NRK: variants seen among roughly 807,000 people sequenced by gnomAD.
NRK encodes the protein Nik related kinase.
Under a neutral mutation model 125.2 loss-of-function variants are expected in NRK, and 67 were observed. The observed-to-expected ratio is 0.54, with a 90% CI of 0.44 to 0.66. The LOEUF (loss-of-function observed/expected upper bound fraction) is 0.66. NRK is among the 30% of genes least tolerant of loss of function. The pLI, the probability that NRK is intolerant of heterozygous loss-of-function variation, is 0.00. For missense variants in NRK, 1,224 were observed against 1,192.9 expected, an observed-to-expected ratio of 1.03 and a Z score of -0.38; for synonymous variants, 458 against 429.0, an observed-to-expected ratio of 1.07 and a Z score of -0.84.
chrX:105,956,494 G>A lies in NRK; in HGVS notation c.*894G>A, dbSNP rs2147809081. ...TGGCCAACAGTGTGACTATCAGACA[G>A]CATCAAATATTTGCCCAATCCAAGA... is the stretch of plus-strand genomic sequence containing the variant. On this transcript the variant is annotated 3_prime_UTR_variant, in exon 29 of 29. Transcript: ENST00000243300. 8.9e-6 allele frequency: 1 copy of A among 111,883 alleles called. No homozygotes were observed. Among genetic ancestry groups the A allele is most frequent in the East Asian group, 2.8e-4 (1 of 3,553 alleles). The allele number at this position is 111,883 out of a possible 1,213,427, so 9.2% of individuals were successfully genotyped here. A position where few individuals can be genotyped will look rare whatever the true frequency, so the allele number is the denominator to read the frequency against.
At chrX:105,840,919 C>A (rs1381297768) in intron 2 of NRK, among the ~76,000 whole-genome samples, 1 of 109,684 alleles carries the variant, frequency 9.1e-6, no homozygotes, top group Non-Finnish European at 1.9e-5. Context: ...AGAGTAAATT[C>A]TGTTAAGGTG....
At chrX:105,881,686 A>G in intron 3 of NRK, 22 bp from the exon 4 acceptor site, 1 of 996,138 alleles carries the variant, frequency 1.0e-6, no homozygotes, top group Non-Finnish European at 1.4e-6. Context: ...TACATCTAAT[A>G]ACATTTTATT....
At position 105,948,839 on chromosome X, in the gene NRK, T is replaced by C. The variant is rs183903328; in HGVS notation, c.4354-736T>C. The C allele has an allele frequency of 6.6e-4, 259 of 391,144 alleles. 1 individual carries two copies. The highest frequency in any genetic ancestry group is 2.1e-4 in the Non-Finnish European group (48 of 229,789). 32.2% of individuals were successfully genotyped at this position (391,144 alleles called of 1,213,427 possible). On this transcript the variant is annotated intron_variant, in intron 26 of 28. Transcript: ENST00000243300. Reference sequence around the variant, plus strand: ...ATAGAGGAACACAATTTTTCATTTGTAGGGAAATACTGTTAATGTGACAAT... The same window carrying C: ...ATAGAGGAACACAATTTTTCATTTGCAGGGAAATACTGTTAATGTGACAAT...
At chrX:105,889,346 G>A (rs753435301) in intron 5 of NRK, among the ~76,000 whole-genome samples, 1,277 of 2,202 alleles carry the variant, frequency 0.58, 15 homozygotes, top group Middle Eastern at 1. Context: ...GCTTTGCAGC[G>A]TACAGCTCCC....
chrX:105,884,751 CT>C (rs761947398), intron 4 of NRK, among the ~76,000 whole-genome samples: 1 of 111,757 alleles, frequency 8.9e-6, no homozygotes, highest in African/African-American at 3.3e-5. Flanking sequence ...TTAAGGAAAT[CT>C]TTTTTTTCAC....
chrX:105,950,527 AGTGT>A (rs56383254), intron 27 of NRK, among the ~76,000 whole-genome samples: 25,718 of 77,577 alleles, frequency 0.33, 3,684 homozygotes, highest in Admixed American at 0.4. Context: ...AAAAGGCAGC[AGTGT>A]GTGTGTGTGT....
intron 19 of NRK, 98 bp downstream of exon 19, chrX:105,925,129 A>G (rs369048746): frequency 4.2e-5 from 26 of 626,409 alleles, no homozygotes; most frequent in East Asian, 4.0e-4. Context: ...ATAGATTTTC[A>G]TCATATACCC....
At chrX:105,849,336 A>G (rs1382218990) in intron 2 of NRK, among the ~76,000 whole-genome samples, 1 of 111,762 alleles carries the variant, frequency 8.9e-6, no homozygotes, top group Non-Finnish European at 1.9e-5. Context: ...CCCTCCCACA[A>G]CATATGAGAA....
intron 2 of NRK, among the ~76,000 whole-genome samples, chrX:105,854,566 T>C (rs1393869148): frequency 8.9e-6 from 1 of 111,950 alleles, no homozygotes; most frequent in African/African-American, 3.2e-5. Context: ...TAAGTTAGTA[T>C]ATTTCACCTA....
chrX:105,926,707 A>G (rs988364575), intron 19 of NRK, among the ~76,000 whole-genome samples: 1 of 111,064 alleles, frequency 9.0e-6, no homozygotes, highest in African/African-American at 3.3e-5. Flanking sequence ...AGTCTTTTGC[A>G]TATGGATATT....
chrX:105,881,031 A>G (rs1169012940), intron 3 of NRK, among the ~76,000 whole-genome samples: 1 of 111,820 alleles, frequency 8.9e-6, no homozygotes, highest in African/African-American at 3.2e-5. Flanking sequence ...TGAATTGCTG[A>G]AACTGTTTAA....
chrX:105,957,482 C>A lies in NRK; in HGVS notation c.*1882C>A, dbSNP rs1338332201. 9.0e-6 allele frequency: 1 copy of A among 111,371 alleles called. No individual in the cohort carries two copies. The highest frequency in any genetic ancestry group is 3.3e-5 in the African/African-American group (1 of 30,602). The allele number at this position is 111,371 out of a possible 1,213,427, so 9.2% of individuals were successfully genotyped here. On this transcript the variant is annotated 3_prime_UTR_variant, in exon 29 of 29. Transcript: ENST00000243300. Reference sequence around the variant, plus strand: ...CAAGTCTTTTAATAATTCATTTTTTCTTCATAATATTTACTCAAAGTTAAG... The same window carrying A: ...CAAGTCTTTTAATAATTCATTTTTTATTCATAATATTTACTCAAAGTTAAG...
chrX:105,847,141 TATACTC>T (rs1211997469), intron 2 of NRK, among the ~76,000 whole-genome samples: 1 of 111,783 alleles, frequency 8.9e-6, no homozygotes, highest in Non-Finnish European at 1.9e-5. Context: ...TTGTACATGA[TATACTC>T]AAATCAGTGA....
At position 105,923,418 on chromosome X, in the gene NRK, G is replaced by C. The variant is rs951696601; in HGVS notation, c.2911G>C (p.Asp971His). 17 of 1,139,079 alleles carry C rather than the reference G, an allele frequency of 1.5e-5. No homozygotes were observed. The highest frequency in any genetic ancestry group is 9.1e-5 in the African/African-American group (5 of 55,001). 93.9% of individuals were successfully genotyped at this position (1,139,079 alleles called of 1,213,427 possible). A position where few individuals can be genotyped will look rare whatever the true frequency, so the allele number is the denominator to read the frequency against. ...QANDVCKDHDDDNNKFVDDVN... is the reference protein window; with the variant it reads ...QANDVCKDHDHDNNKFVDDVN... ...TAATGATGTTTGTAAAGACCATGAT[G>C]ATGACAACAATAAGTTTGTTGATGA... The change falls in exon 18 of 29, where the codon GAT becomes CAT. Residue 971 changes from aspartate (D) to histidine (H), a missense_variant. Coordinates refer to ENST00000243300, the MANE Select transcript of NRK (RefSeq NM_198465.4).
At chrX:105,905,961 T>A (rs942387553) in intron 10 of NRK, among the ~76,000 whole-genome samples, 6 of 112,265 alleles carry the variant, frequency 5.3e-5, no homozygotes, top group Non-Finnish European at 7.5e-5. Context: ...TTTTACAAGA[T>A]TAGTTAGTCC....
intron 1 of NRK, among the ~76,000 whole-genome samples, chrX:105,827,192 C>T (rs2147633172): frequency 9.0e-6 from 1 of 111,619 alleles, no homozygotes; most frequent in South Asian, 3.8e-4. Flanking sequence ...CTCAGGCACT[C>T]ATCTTGCCAT....
chrX:105,868,740 G>A lies in NRK; in HGVS notation c.124-11459G>A, dbSNP rs139555227. ...TCCCCCGCCCCCCACCACTCTGTTC[G>A]CCACACAACTGTAAGGGATATATTG... On this transcript the variant is annotated intron_variant, in intron 2 of 28. Coordinates refer to ENST00000243300, the MANE Select transcript of NRK (RefSeq NM_198465.4). Among the ~76,000 whole-genome samples, 298 of 82,765 alleles carry A rather than the reference G, an allele frequency of 3.6e-3. 2 individuals carry two copies. Among genetic ancestry groups the A allele is most frequent in the Non-Finnish European group, 4.9e-3 (217 of 44,141 alleles). The allele number at this position is 82,765 out of a possible 115,157, so 71.9% of individuals were successfully genotyped here. A position where few individuals can be genotyped will look rare whatever the true frequency, so the allele number is the denominator to read the frequency against.
intron 1 of NRK, among the ~76,000 whole-genome samples, chrX:105,824,800 A>G (rs954459178): frequency 9.0e-6 from 1 of 111,019 alleles, no homozygotes; most frequent in African/African-American, 3.3e-5. Flanking sequence ...GCGTAGAAAG[A>G]TAAGATTGGT....
chrX:105,857,088 G>A (rs2039540825), intron 2 of NRK, among the ~76,000 whole-genome samples: 2 of 111,342 alleles, frequency 1.8e-5, no homozygotes, highest in Admixed American at 1.9e-4. Context: ...CTTTGTCCTG[G>A]AGTAATTTTG....
Sources: gnomAD v4.1 joint callset for allele counts (sites outside exome capture counted in the v4.1 genomes callset) on GRCh38, gnomAD v4.1.1 for gene constraint, MANE v1.5 for transcripts, NCBI Gene and HGNC (gene_info 2026-07-23, HGNC 2026-07-21) for gene names.